Variants in SMARCA4 observed in about 807,000 individuals in gnomAD.
SMARCA4 encodes the protein SWI/SNF-related matrix-associated actin-dependent regulator of chromatin subfamily A member 4.
Under a neutral mutation model 193.9 loss-of-function variants are expected in SMARCA4, and 31 were observed. The observed-to-expected ratio is 0.16, with a 90% confidence interval of 0.12 to 0.22. The LOEUF is 0.22. SMARCA4 is among the 10% of genes least tolerant of loss of function. The pLI is 1.00. For synonymous variants in SMARCA4, 942 were observed against 933.1 expected (o/e 1.01, Z -0.17); for missense variants, 1,148 against 2,296.0 (o/e 0.50, Z 10.22).
intron 30 of SMARCA4, chr19:11,056,272 C>T (rs1476400904): frequency 6.6e-6 from 1 of 152,202 alleles, no homozygotes; most frequent in African/African-American, 2.4e-5. Context: ...AGCCTGTGGA[C>T]TGGGTTTACC....
rs1568528491 is a variant in SMARCA4, at chr19:11,041,481, G to A, written c.4345G>A (p.Glu1449Lys). The change falls in exon 30 of 35, where the codon GAG (glutamate) becomes AAG (lysine). Residue 1449 changes from glutamate to lysine, a missense_variant. Glu to Lys is a moderately conservative substitution (Grantham distance 56). Coordinates refer to ENST00000344626, the MANE Select transcript of SMARCA4 (RefSeq NM_003072.5). The surrounding 1 kb of genome is among the most constrained non-coding windows in gnomAD (Gnocchi z 5.6). ...GAAGAAGCGCGGGCGGCCGCCTGCC[G>A]AGAAACTCTCCCCTAACCCACCCAA... The part of the protein sequence containing the change: ...KQKKRGRPPA[E>K]KLSPNPPNLT... 4.3e-6 allele frequency: 7 copies of A among 1,613,706 alleles called. No individual in the cohort carries two copies. Among genetic ancestry groups the A allele is most frequent in the South Asian group, 1.1e-5 (1 of 91,082 alleles).
intron 19 of SMARCA4, among the ~76,000 whole-genome samples, chr19:11,022,264 C>T (rs1035690779): frequency 6.6e-6 from 1 of 152,170 alleles, no homozygotes; most frequent in African/African-American, 2.4e-5. Flanking sequence ...GCTGTGGGAC[C>T]GCAAGCGTGT....
intron 9 of SMARCA4, chr19:10,995,976 C>T: frequency 3.3e-6 from 2 of 603,360 alleles, no homozygotes; most frequent in Non-Finnish European, 6.1e-6. Flanking sequence ...CTCATGGCCT[C>T]TGTAAATGGC....
intron 29 of SMARCA4, chr19:11,039,596 A>T: frequency 8.4e-7 from 1 of 1,194,722 alleles, no homozygotes; most frequent in African/African-American, 1.6e-5. Context: ...GGGCTGCACA[A>T]CACTGGGGAC....
At chr19:11,048,789 A>T (rs1425227605) in intron 30 of SMARCA4, among the ~76,000 whole-genome samples, 2 of 152,182 alleles carry the variant, frequency 1.3e-5, no homozygotes, top group Non-Finnish European at 2.9e-5. Flanking sequence ...TTCGTGTTTT[A>T]TTCTGGCAGA....
chr19:11,026,359 CCAA>C lies in SMARCA4; in HGVS notation c.3215+15_3215+17del, dbSNP rs2146517633. ...GCATTGTCCAAGGGTGAGAAGCTTCCCAACTGGATGGGGTGGGCAGGTGGTCCA... is the reference window on the plus strand; with the variant it reads ...GCATTGTCCAAGGGTGAGAAGCTTCCCTGGATGGGGTGGGCAGGTGGTCCA... On this transcript the variant is annotated intron_variant, in intron 23 of 34. Transcript: ENST00000344626. 6.2e-7 allele frequency: 1 copy of C among 1,611,570 alleles called. No individual in the cohort carries two copies. Among genetic ancestry groups the C allele is most frequent in the Non-Finnish European group, 8.5e-7 (1 of 1,177,804 alleles).
Position 10,995,413 on chromosome 19 carries a change from A to G in SMARCA4, c.1593+412A>G, listed in dbSNP as rs771076758. 12 of 462,842 alleles carry G rather than the reference A, an allele frequency of 2.6e-5. No homozygotes were observed. The Middle Eastern group carries it at 2.2e-3, about 87-fold the overall frequency. 28.7% of individuals were successfully genotyped at this position (462,842 alleles called of 1,614,324 possible). On this transcript the variant is annotated intron_variant, in intron 9 of 34. Transcript: ENST00000344626. The stretch of plus-strand genomic sequence containing the variant: ...CAGGTGCTGCTCTGTGTACGGGGAC[A>G]TGGCCCCTGCCTTTGTGGGGGCTCC...
In SMARCA4 at chr19:11,035,119, A is replaced by G; in HGVS notation, c.4157A>G (p.Lys1386Arg). ...GACTACAGCGACTCACTGACGGAGA[A>G]GCAGTGGCTCAAGGTACATGCTGGA... ...EVDYSDSLTE[K>R]QWLKAIEEGT... is the part of the protein sequence containing the mutation. The change falls in exon 29 of 35, where the codon AAG becomes AGG. Residue 1386 changes from lysine (K) to arginine (R), a missense_variant. By Grantham distance (26) the Lys-to-Arg change is conservative. Transcript: ENST00000344626. 1 of 1,612,412 alleles carries G rather than the reference A, an allele frequency of 6.2e-7. No individual in the cohort carries two copies. Among genetic ancestry groups the G allele is most frequent in the African/African-American group, 1.3e-5 (1 of 75,044 alleles).
chr19:11,057,547 G>T (rs2076613967), intron 30 of SMARCA4, among the ~76,000 whole-genome samples: 1 of 152,098 alleles, frequency 6.6e-6, no homozygotes, highest in South Asian at 2.1e-4. Flanking sequence ...TGACCAACAT[G>T]GTGAAACCCT....
chr19:11,055,252 C>T (rs760320178), intron 30 of SMARCA4, among the ~76,000 whole-genome samples: 1 of 152,020 alleles, frequency 6.6e-6, no homozygotes, highest in Admixed American at 6.6e-5. Context: ...TGCAGTGGTG[C>T]GATCTCGGCT....
chr19:10,994,349 C>T (rs536492747), intron 8 of SMARCA4, among the ~76,000 whole-genome samples: 5 of 123,350 alleles, frequency 4.1e-5, no homozygotes, highest in Admixed American at 1.8e-4. Flanking sequence ...TTTGAGACAG[C>T]GTCTCACTCT....
At chr19:10,976,630 G>A (rs148661692) in intron 1 of SMARCA4, among the ~76,000 whole-genome samples, 8,148 of 151,530 alleles carry the variant, frequency 0.054, 285 homozygotes, top group South Asian at 0.11. Context: ...AGTGGCATGA[G>A]CCTGTAGTCC....
intron 9 of SMARCA4, 74 bp from the exon 10 acceptor site, chr19:10,996,139 G>A (rs891257688): frequency 6.5e-7 from 1 of 1,528,656 alleles, no homozygotes; most frequent in Non-Finnish European, 9.1e-7. Context: ...TGCGCTTCTG[G>A]ATTGACTGGC....
chr19:10,986,094 C>T lies in SMARCA4; in HGVS notation c.356-95C>T. 9.2e-7 allele frequency: 1 copy of T among 1,092,618 alleles called. No individual in the cohort carries two copies. The highest frequency in any genetic ancestry group is 1.4e-6 in the Non-Finnish European group (1 of 716,422). The allele number at this position is 1,092,618 out of a possible 1,614,324, so 67.7% of individuals were successfully genotyped here. A position where few individuals can be genotyped will look rare whatever the true frequency, so the allele number is the denominator to read the frequency against. On this transcript the variant is annotated intron_variant, in intron 3 of 34. Coordinates refer to ENST00000344626, the MANE Select transcript of SMARCA4 (RefSeq NM_003072.5). This position sits in a 1 kb window ranked among gnomAD's most constrained non-coding sequence, Gnocchi z 6.7. ...AGAGAAGGATGCCATTTGGCTGTGC[C>T]CTGTCTCAGAGTAGGAGCTGGTGTA... is the stretch of plus-strand genomic sequence containing the variant.
In SMARCA4 at chr19:10,984,889, A is replaced by C. The variant is rs564721085; in HGVS notation, c.223-384A>C. Among the ~76,000 whole-genome samples the C allele has an allele frequency of 6.6e-6, 1 of 152,174 alleles. No individual in the cohort carries two copies. The highest frequency in any genetic ancestry group is 1.5e-5 in the Non-Finnish European group (1 of 68,026). On this transcript the variant is annotated intron_variant, in intron 2 of 34. Coordinates refer to ENST00000344626, the MANE Select transcript of SMARCA4 (RefSeq NM_003072.5). The surrounding 1 kb of genome is among the most constrained non-coding windows in gnomAD (Gnocchi z 4.3). ...CTTTATGGTCACAAGTCTCTTTTGC[A>C]TGTCCCTGGATGTGGTTAGAGGACA...
chr19:11,010,668 G>C (rs1047003683), intron 15 of SMARCA4, 137 bp downstream of exon 15: 2 of 842,874 alleles, frequency 2.4e-6, no homozygotes, highest in African/African-American at 1.7e-5. Flanking sequence ...TCCCCTCTGA[G>C]CCTCGGTTTC....
chr19:11,022,082 G>C, intron 19 of SMARCA4, 115 bp downstream of exon 19: 11 of 1,499,790 alleles, frequency 7.3e-6, no homozygotes, highest in Non-Finnish European at 1.0e-5. Flanking sequence ...TGCCTGGTGA[G>C]AGTCTGCATC....
intron 1 of SMARCA4, among the ~76,000 whole-genome samples, chr19:10,975,156 A>G (rs1224707106): frequency 6.9e-6 from 1 of 145,876 alleles, no homozygotes; most frequent in Non-Finnish European, 1.5e-5. Context: ...AGCTGGGACT[A>G]CAGGCATGCA....
chr19:11,061,795 A>G lies in SMARCA4; in HGVS notation c.4923A>G (p.Gly1641=), dbSNP rs747565965. Residue 1641 remains glycine (G), a synonymous_variant, in exon 35 of 35, where the codon GGA becomes GGG. Coordinates refer to ENST00000344626, the MANE Select transcript of SMARCA4 (RefSeq NM_003072.5). Reference sequence around the variant, plus strand: ...TGTCCCCTCTCCAGGACCGCTCAGGAAGTGGCAGCGAAGAAGACTGAGCCC... The same window carrying G: ...TGTCCCCTCTCCAGGACCGCTCAGGGAGTGGCAGCGAAGAAGACTGAGCCC... The part of the protein sequence containing the change: ...SEEEQEEDRS[G]SGSEED The G allele has an allele frequency of 6.2e-7, 1 of 1,613,964 alleles. No homozygotes were observed. Among genetic ancestry groups the G allele is most frequent in the Admixed American group, 1.7e-5 (1 of 60,014 alleles).
Sources: allele counts gnomAD v4.1 joint callset (sites outside exome capture counted in the v4.1 genomes callset), GRCh38; gene constraint gnomAD v4.1.1; non-coding constraint Gnocchi (gnomAD v3.1); transcripts MANE v1.5; gene names NCBI Gene and HGNC (gene_info 2026-07-23, HGNC 2026-07-21).